The following TMEM108 variants were observed in gnomAD, a reference collection of about 807,000 sequenced individuals.
The protein encoded by TMEM108 is cancer/testis antigen 124.
TMEM108 carries 12 observed loss-of-function variants against 35.1 expected under a neutral mutation model. That is an observed-to-expected ratio of 0.34 (90% CI 0.22 to 0.55). The LOEUF is 0.55. Among genes scored for constraint, TMEM108 ranks in the 20% least tolerant of loss-of-function variants. TMEM108 has a pLI of 0.89. For missense variants in TMEM108, 680 were observed against 753.3 expected, an observed-to-expected ratio of 0.90 and a Z score of 1.14; for synonymous variants, 287 against 308.6, an observed-to-expected ratio of 0.93 and a Z score of 0.73.
At chr3:133,123,039 C>T (rs774080442) in intron 2 of TMEM108, among the ~76,000 whole-genome samples, 17 of 152,210 alleles carry the variant, frequency 1.1e-4, no homozygotes, top group South Asian at 1.0e-3. Flanking sequence ...CACACATACA[C>T]GTATACATAA....
chr3:133,222,966 A>C (rs1057335974), intron 2 of TMEM108, among the ~76,000 whole-genome samples: 2 of 152,080 alleles, frequency 1.3e-5, no homozygotes, highest in Non-Finnish European at 2.9e-5. Context: ...GACCATAGGC[A>C]CACATCACCA....
chr3:133,057,673 A>G (rs1943487248), intron 2 of TMEM108, among the ~76,000 whole-genome samples: 1 of 152,086 alleles, frequency 6.6e-6, no homozygotes, highest in African/African-American at 2.4e-5. Flanking sequence ...AGGGAAATAT[A>G]TAAAAGGCCA....
intron 2 of TMEM108, among the ~76,000 whole-genome samples, chr3:133,061,986 G>A (rs1015957675): frequency 6.6e-6 from 1 of 152,178 alleles, no homozygotes; most frequent in African/African-American, 2.4e-5. Flanking sequence ...TTTTCAAAAG[G>A]AACTAGTAAT....
intron 3 of TMEM108, among the ~76,000 whole-genome samples, chr3:133,234,552 G>C (rs375737645): frequency 1.3e-5 from 2 of 151,976 alleles, no homozygotes; most frequent in Non-Finnish European, 2.9e-5. Flanking sequence ...ATTCAACAAC[G>C]CTTCATGCTA....
At chr3:133,373,141 C>T (rs1049294113) in intron 3 of TMEM108, among the ~76,000 whole-genome samples, 2 of 152,028 alleles carry the variant, frequency 1.3e-5, no homozygotes, top group African/African-American at 4.8e-5. Context: ...CCAAGGCAGG[C>T]AGATTGCTTG....
intron 2 of TMEM108, among the ~76,000 whole-genome samples, chr3:133,166,664 G>C (rs1945042913): frequency 6.6e-6 from 1 of 152,188 alleles, no homozygotes; most frequent in African/African-American, 2.4e-5. Flanking sequence ...ATTCCTCCCG[G>C]TGGGTTCATG....
chr3:133,273,321 T>C (rs1442257500), intron 3 of TMEM108, among the ~76,000 whole-genome samples: 1 of 152,228 alleles, frequency 6.6e-6, no homozygotes, highest in East Asian at 1.9e-4. Context: ...GTTTTTTCCC[T>C]ACCAAGTGAA....
chr3:133,068,672 A>AT (rs1423110431), intron 2 of TMEM108, among the ~76,000 whole-genome samples: 3 of 152,126 alleles, frequency 2.0e-5, no homozygotes, highest in African/African-American at 7.2e-5. Context: ...TGATCGAGTG[A>AT]TTTTTTTGTG....
chr3:133,074,002 A>G (rs968642679), intron 2 of TMEM108, among the ~76,000 whole-genome samples: 1 of 152,026 alleles, frequency 6.6e-6, no homozygotes, highest in African/African-American at 2.4e-5. Flanking sequence ...CCATTTTTTA[A>G]TCAGGTCATT....
At chr3:133,057,302 C>A (rs1439160621) in intron 2 of TMEM108, among the ~76,000 whole-genome samples, 1 of 151,858 alleles carries the variant, frequency 6.6e-6, no homozygotes, top group African/African-American at 2.4e-5. Flanking sequence ...TCTCTATTTT[C>A]CTTATTGTCT....
intron 2 of TMEM108, among the ~76,000 whole-genome samples, chr3:133,089,995 C>A (rs1429060338): frequency 6.6e-6 from 1 of 152,070 alleles, no homozygotes; most frequent in Non-Finnish European, 1.5e-5. Context: ...CTCTGTCAGC[C>A]CTGTGGGTTG....
chr3:133,166,967 T>G (rs984398005), intron 2 of TMEM108, among the ~76,000 whole-genome samples: 5 of 152,330 alleles, frequency 3.3e-5, no homozygotes, highest in Admixed American at 2.0e-4. Flanking sequence ...GGGTATTGAT[T>G]GGTGCATTTA....
chr3:133,223,292 T>TCCC lies in TMEM108; in HGVS notation c.-46-5972_-46-5971insCCC, dbSNP rs1248387616. 2.0e-5 allele frequency among the ~76,000 whole-genome samples: 3 copies of TCCC among 152,334 alleles called. No homozygotes were observed. In the East Asian group the frequency reaches 5.8e-4, roughly 29 times the overall value. On this transcript the variant is annotated intron_variant, in intron 2 of 5. Coordinates refer to ENST00000321871, the MANE Select transcript of TMEM108 (RefSeq NM_023943.4). Reference sequence around the variant, plus strand: ...ATTCTGAGCAGGTCGTCTGATGTTGTCCATTAGCAGGCATGCTGTTGGAGT... The same window carrying TCCC: ...ATTCTGAGCAGGTCGTCTGATGTTGTCCCCCATTAGCAGGCATGCTGTTGGAGT...
intron 3 of TMEM108, among the ~76,000 whole-genome samples, chr3:133,362,309 T>C (rs2072375303): frequency 6.6e-6 from 1 of 152,152 alleles, no homozygotes; most frequent in South Asian, 2.1e-4. Context: ...AAAAAGGCTT[T>C]TGTAGAAAGA....
intron 2 of TMEM108, among the ~76,000 whole-genome samples, chr3:133,177,727 G>A (rs1945259080): frequency 6.6e-6 from 1 of 152,238 alleles, no homozygotes; most frequent in Admixed American, 6.5e-5. Context: ...GCAAAAACTG[G>A]AAGCATTCCC....
At chr3:133,280,983 TA>T (rs1365272508) in intron 3 of TMEM108, among the ~76,000 whole-genome samples, 5 of 152,210 alleles carry the variant, frequency 3.3e-5, no homozygotes, top group Admixed American at 1.3e-4. Context: ...ACTTCTACCA[TA>T]TTCTGTTGAC....
intron 2 of TMEM108, among the ~76,000 whole-genome samples, chr3:133,224,648 T>C (rs983431423): frequency 1.3e-5 from 2 of 152,142 alleles, no homozygotes; most frequent in Non-Finnish European, 1.5e-5. Flanking sequence ...CCCGCTGCCA[T>C]GTAAGATGTG....
chr3:133,329,129 T>TG (rs1397250207), intron 3 of TMEM108, among the ~76,000 whole-genome samples: 1 of 151,974 alleles, frequency 6.6e-6, no homozygotes, highest in Admixed American at 6.6e-5. Flanking sequence ...GACATGCACA[T>TG]GTCTAGGAAT....
intron 3 of TMEM108, among the ~76,000 whole-genome samples, chr3:133,348,958 A>G (rs1413203866): frequency 2.0e-5 from 3 of 152,264 alleles, no homozygotes; most frequent in Non-Finnish European, 4.4e-5. Flanking sequence ...AAGGCAGACA[A>G]ACTATTGGGG....
Sources: gnomAD v4.1 joint callset for allele counts (sites outside exome capture counted in the v4.1 genomes callset) on GRCh38, gnomAD v4.1.1 for gene constraint, MANE v1.5 for transcripts, NCBI Gene and HGNC (gene_info 2026-07-23, HGNC 2026-07-21) for gene names.